The following PCDHA5 variants were observed in gnomAD, a reference collection of about 807,000 sequenced individuals.
The protein encoded by PCDHA5 is protocadherin alpha 5.
Under a neutral mutation model 61.6 loss-of-function variants are expected in PCDHA5, and 43 were observed. The ratio of observed to expected loss-of-function variants is 0.70; its 90% CI spans 0.55 to 0.90. The LOEUF (loss-of-function observed/expected upper bound fraction) is 0.90. Ranked by LOEUF, PCDHA5 falls within the 40% of genes least tolerant of loss-of-function variation. PCDHA5 has a pLI of 0.00. For missense variants in PCDHA5, 1,298 were observed against 1,222.7 expected, an observed-to-expected ratio of 1.06 and a Z score of -0.92; for synonymous variants, 627 against 543.9, an observed-to-expected ratio of 1.15 and a Z score of -2.13.
chr5:140,998,987 G>A (rs1381033392), intron 3 of PCDHA5, among the ~76,000 whole-genome samples: 1 of 152,234 alleles, frequency 6.6e-6, no homozygotes. Context: ...ATAGTAGAAA[G>A]CAGAATGCTG....
chr5:140,882,720 G>T, intron 1 of PCDHA5: 2 of 1,614,198 alleles, frequency 1.2e-6, no homozygotes, highest in Non-Finnish European at 1.7e-6. Context: ...CCGGAAACTC[G>T]ATTTCCACTA....
At chr5:140,838,260 C>A (rs1775624782) in intron 1 of PCDHA5, among the ~76,000 whole-genome samples, 1 of 147,458 alleles carries the variant, frequency 6.8e-6, no homozygotes, top group African/African-American at 2.5e-5. Context: ...ATTAAAGACG[C>A]CAACAACCAA....
chr5:140,882,739 A>C (rs781997612), intron 1 of PCDHA5: 1 of 1,614,142 alleles, frequency 6.2e-7, no homozygotes, highest in East Asian at 2.2e-5. Flanking sequence ...TAGATGGCGC[A>C]TCCGATGCAG....
At chr5:140,898,622 A>C (rs1286354840) in intron 1 of PCDHA5, among the ~76,000 whole-genome samples, 1 of 152,172 alleles carries the variant, frequency 6.6e-6, no homozygotes, top group Admixed American at 6.5e-5. Context: ...GTCAGGTAGC[A>C]TAATGCCTCC....
chr5:140,842,833 G>C (rs2150345811), intron 1 of PCDHA5: 1 of 1,593,874 alleles, frequency 6.3e-7, no homozygotes, highest in Non-Finnish European at 8.6e-7. Context: ...AGCGCTCGCT[G>C]TCGAGCTACA....
At chr5:140,884,054 G>A (rs1313975286) in intron 1 of PCDHA5, 1 of 1,613,390 alleles carries the variant, frequency 6.2e-7, no homozygotes, top group Non-Finnish European at 8.5e-7. Flanking sequence ...GAAGGTGCGC[G>A]CGGTGGACGC....
intron 1 of PCDHA5, chr5:140,842,380 T>A (rs1777905222): frequency 6.2e-7 from 1 of 1,610,180 alleles, no homozygotes; most frequent in Non-Finnish European, 8.5e-7. Context: ...TAGCACTGAC[T>A]TCCTTATCCT....
chr5:140,900,252 AG>A (rs2067859572), intron 1 of PCDHA5, among the ~76,000 whole-genome samples: 1 of 152,096 alleles, frequency 6.6e-6, no homozygotes, highest in South Asian at 2.1e-4. Flanking sequence ...ATGGCTGAAT[AG>A]TACTCCATTG....
intron 1 of PCDHA5, chr5:140,847,633 C>T (rs2150402485): frequency 0.65 from 96,440 of 148,450 alleles, 34,032 homozygotes; most frequent in African/African-American, 0.71. Context: ...ATATTGGAGA[C>T]TACAAAGAAG....
chr5:140,929,465 A>G (rs2086179280), intron 1 of PCDHA5: 1 of 1,322,058 alleles, frequency 7.6e-7, no homozygotes, highest in African/African-American at 1.5e-5. Flanking sequence ...CTGTGCCAAG[A>G]AATCTGGAAG....
chr5:140,831,227 C>T (rs1037770738), intron 1 of PCDHA5: 2 of 152,168 alleles, frequency 1.3e-5, no homozygotes, highest in Admixed American at 1.3e-4. Context: ...AAACTGCATT[C>T]CTCTGGCATT....
intron 1 of PCDHA5, chr5:140,863,338 C>G: frequency 2.2e-6 from 3 of 1,361,684 alleles, no homozygotes; most frequent in Non-Finnish European, 3.0e-6. Flanking sequence ...GCTCACGTTG[C>G]TGCTGTACAC....
rs2150425663 is a variant in PCDHA5, at chr5:140,848,940, G to A, written c.2352+24813G>A. On this transcript the variant is annotated intron_variant, in intron 1 of 3. Coordinates refer to ENST00000529859, the MANE Select transcript of PCDHA5 (RefSeq NM_018908.3). The stretch of plus-strand genomic sequence containing the variant: ...GTTCATCGCGGAATCCAGGCCGCTT[G>A]ACTCTCGGTTTCCACTAGAGGGCGC... 7.5e-6 allele frequency: 12 copies of A among 1,607,456 alleles called. No individual in the cohort carries two copies. In the South Asian group the frequency reaches 1.2e-4, roughly 16 times the overall value.
chr5:140,829,914 C>T (rs782449533), intron 1 of PCDHA5: 1 of 1,613,998 alleles, frequency 6.2e-7, no homozygotes, highest in Non-Finnish European at 8.5e-7. Flanking sequence ...GCGTGGCTTT[C>T]GTATGAGCTG....
chr5:140,855,626 T>C (rs1554147868), intron 1 of PCDHA5, among the ~76,000 whole-genome samples: 1 of 149,872 alleles, frequency 6.7e-6, no homozygotes, highest in Non-Finnish European at 1.5e-5. Context: ...CATTTTGAAA[T>C]TCGGCTATTG....
intron 1 of PCDHA5, among the ~76,000 whole-genome samples, chr5:140,895,100 T>G (rs1306041919): frequency 2.0e-5 from 3 of 152,190 alleles, no homozygotes; most frequent in African/African-American, 7.2e-5. Context: ...TAGGGGTTTT[T>G]GCTACAAGAA....
At chr5:140,923,364 A>C (rs1414879540) in intron 1 of PCDHA5, among the ~76,000 whole-genome samples, 1 of 152,106 alleles carries the variant, frequency 6.6e-6, no homozygotes, top group African/African-American at 2.4e-5. Flanking sequence ...TATCTTTATA[A>C]AATATTTTTA....
intron 3 of PCDHA5, among the ~76,000 whole-genome samples, chr5:140,987,224 A>C (rs28567024): frequency 6.6e-6 from 1 of 151,930 alleles, no homozygotes; most frequent in South Asian, 2.1e-4. Context: ...AAAAAAAAAA[A>C]AAATAATAAA....
intron 1 of PCDHA5, chr5:140,967,383 T>A: frequency 6.2e-7 from 1 of 1,608,702 alleles, no homozygotes; most frequent in Non-Finnish European, 8.5e-7. Flanking sequence ...AACAGTAAAG[T>A]GCTTGAGCTG....
Sources: gnomAD v4.1 joint callset for allele counts (sites outside exome capture counted in the v4.1 genomes callset) on GRCh38, gnomAD v4.1.1 for gene constraint, MANE v1.5 for transcripts, NCBI Gene and HGNC (gene_info 2026-07-23, HGNC 2026-07-21) for gene names.